Variants in LTBP1 observed in about 807,000 individuals in gnomAD.
The protein encoded by LTBP1 is latent transforming growth factor beta binding protein 1.
Under a neutral mutation model 207.6 loss-of-function variants are expected in LTBP1, and 129 were observed. The observed-to-expected ratio is 0.62, with a 90% CI of 0.54 to 0.72. The LOEUF (loss-of-function observed/expected upper bound fraction) is 0.72. Among genes scored for constraint, LTBP1 ranks in the 30% least tolerant of loss-of-function variants. LTBP1 has a pLI of 0.00. For synonymous variants in LTBP1, 963 were observed against 833.7 expected, an observed-to-expected ratio of 1.16 and a Z score of -2.67; for missense variants, 2,281 against 2,217.2, an observed-to-expected ratio of 1.03 and a Z score of -0.58.
At chr2:33,305,726 C>T (rs1399265063) in intron 22 of LTBP1, among the ~76,000 whole-genome samples, 1 of 151,970 alleles carries the variant, frequency 6.6e-6, no homozygotes, top group East Asian at 1.9e-4. Flanking sequence ...CCCGGGCCCT[C>T]CAACATTTAG....
In LTBP1 at chr2:32,964,578, A is replaced by G. The variant is rs564271366; in HGVS notation, c.565+15633A>G. Among the ~76,000 whole-genome samples, 6 of 152,246 alleles carry G rather than the reference A, an allele frequency of 3.9e-5. No homozygotes were observed. The East Asian group carries it at 5.8e-4, about 15-fold the overall frequency. On this transcript the variant is annotated intron_variant, in intron 2 of 33. Coordinates refer to ENST00000404816, the MANE Select transcript of LTBP1 (RefSeq NM_206943.4). The stretch of plus-strand genomic sequence containing the variant: ...TTCCCAGTGCCAGTAGCATGTAGCT[A>G]TTTCCAAATATGTTAACTTTTGATG...
At chr2:33,296,717 G>T (rs940949271) in intron 20 of LTBP1, among the ~76,000 whole-genome samples, 1 of 152,024 alleles carries the variant, frequency 6.6e-6, no homozygotes, top group Non-Finnish European at 1.5e-5. Flanking sequence ...AATGTCTAAA[G>T]TCTAGTATTT....
chr2:33,238,458 C>G (rs532256925), intron 9 of LTBP1, among the ~76,000 whole-genome samples: 37 of 152,314 alleles, frequency 2.4e-4, no homozygotes, highest in African/African-American at 8.4e-4. Flanking sequence ...AAATGTCATA[C>G]TTTCTTTATT....
rs186325368 is a variant in LTBP1 at position 33,075,326 on chromosome 2, A to G, written c.864-35256A>G. ...GTGGATAATTGAAAGTTGATACATGATTTAAAAATATTTTTTGGGGGGCAA... is the reference window on the plus strand; with the variant it reads ...GTGGATAATTGAAAGTTGATACATGGTTTAAAAATATTTTTTGGGGGGCAA... On this transcript the variant is annotated intron_variant, in intron 3 of 33. Coordinates refer to ENST00000404816, the MANE Select transcript of LTBP1 (RefSeq NM_206943.4). Among the ~76,000 whole-genome samples, 514 of 152,350 alleles carry G rather than the reference A, an allele frequency of 3.4e-3. 3 individuals carry two copies. Among genetic ancestry groups the G allele is most frequent in the African/African-American group, 0.011 (472 of 41,582 alleles).
At chr2:33,383,210 G>A (rs866459541) in intron 31 of LTBP1, among the ~76,000 whole-genome samples, 1 of 152,110 alleles carries the variant, frequency 6.6e-6, no homozygotes, top group African/African-American at 2.4e-5. Flanking sequence ...AAAATTAGCC[G>A]GGCATGGTGG....
At position 33,381,531 on chromosome 2, in the gene LTBP1, C is replaced by G. The variant is rs568961383; in HGVS notation, c.4712-7653C>G. Among the ~76,000 whole-genome samples, 10 of 152,278 alleles carry G rather than the reference C, an allele frequency of 6.6e-5. No individual in the cohort carries two copies. The South Asian group carries it at 1.9e-3, about 28-fold the overall frequency. On this transcript the variant is annotated intron_variant, in intron 31 of 33. Coordinates refer to ENST00000404816, the MANE Select transcript of LTBP1 (RefSeq NM_206943.4). ...GCCAAGACTTTAGACTTCATTACTT[C>G]CCTGTCCTCGACAAGTACAATTTAA...
chr2:33,130,777 C>T (rs1563184), intron 4 of LTBP1, among the ~76,000 whole-genome samples: 2 of 152,084 alleles, frequency 1.3e-5, no homozygotes, highest in Non-Finnish European at 2.9e-5. Flanking sequence ...GGCCCAATGG[C>T]GGTGCTGCAT....
chr2:33,316,957 T>C (rs1186888439), intron 24 of LTBP1, among the ~76,000 whole-genome samples: 1 of 152,152 alleles, frequency 6.6e-6, no homozygotes, highest in Non-Finnish European at 1.5e-5. Flanking sequence ...GGTTGTGCCA[T>C]GCAAAATTAT....
At chr2:33,036,305 C>T (rs1283867284) in intron 3 of LTBP1, among the ~76,000 whole-genome samples, 1 of 152,192 alleles carries the variant, frequency 6.6e-6, no homozygotes, top group South Asian at 2.1e-4. Context: ...CTGGAGGGGT[C>T]TGCACTTTGA....
At chr2:33,381,760 A>G (rs892358209) in intron 31 of LTBP1, among the ~76,000 whole-genome samples, 18 of 152,176 alleles carry the variant, frequency 1.2e-4, no homozygotes, top group African/African-American at 4.3e-4. Context: ...AGTGTATTTA[A>G]TAATTTTTTT....
chr2:33,205,154 C>G (rs1022673980), intron 7 of LTBP1, among the ~76,000 whole-genome samples: 1 of 152,224 alleles, frequency 6.6e-6, no homozygotes, highest in South Asian at 2.1e-4. Context: ...ATACTTGTCT[C>G]TCAAATGCTA....
At chr2:32,978,818 G>T (rs1682268325) in intron 2 of LTBP1, among the ~76,000 whole-genome samples, 1 of 151,918 alleles carries the variant, frequency 6.6e-6, no homozygotes, top group Non-Finnish European at 1.5e-5. Context: ...GTAAAATTCA[G>T]CAGTGAAGCC....
chr2:33,397,599 C>T (rs1163429559), intron 33 of LTBP1, among the ~76,000 whole-genome samples: 2 of 150,228 alleles, frequency 1.3e-5, no homozygotes, highest in African/African-American at 2.5e-5. Flanking sequence ...CTTCTGCCTC[C>T]CAGGTTCAAG....
intron 31 of LTBP1, among the ~76,000 whole-genome samples, chr2:33,366,092 T>TCATC (rs1426841440): frequency 1.7e-4 from 26 of 152,314 alleles, no homozygotes; most frequent in Admixed American, 1.5e-3. Flanking sequence ...GCTCCCAGTT[T>TCATC]CATCCCCTCT....
Position 33,398,731 on chromosome 2 carries a change from T to G in LTBP1, c.*186T>G. The stretch of plus-strand genomic sequence containing the variant: ...AGCCCGATAGGTGTGGCAGACCAAA[T>G]GGACATTTCTCTAAAAAACCAGTAT... On this transcript the variant is annotated 3_prime_UTR_variant, in exon 34 of 34. Coordinates refer to ENST00000404816, the MANE Select transcript of LTBP1 (RefSeq NM_206943.4). 1 of 495,728 alleles carries G rather than the reference T, an allele frequency of 2.0e-6. No homozygotes were observed. The allele number at this position is 495,728 out of a possible 1,614,324, so 30.7% of individuals were successfully genotyped here.
intron 3 of LTBP1, 24 bp downstream of exon 3, chr2:33,021,230 A>G (rs754488209): frequency 1.9e-6 from 3 of 1,556,458 alleles, no homozygotes; most frequent in Admixed American, 3.6e-5. Flanking sequence ...ACTTTCATTT[A>G]GCTAAGGATC....
chr2:33,342,753 T>C (rs2094644110), intron 24 of LTBP1, 85 bp from the exon 25 acceptor site: 2 of 1,391,592 alleles, frequency 1.4e-6, no homozygotes, highest in African/African-American at 2.8e-5. Flanking sequence ...TCAGGATGTG[T>C]TGAGTGCCTC....
chr2:33,347,333 A>T, intron 25 of LTBP1, 34 bp from the exon 26 acceptor site: 1 of 1,613,528 alleles, frequency 6.2e-7, no homozygotes, highest in Non-Finnish European at 8.5e-7. Flanking sequence ...TGAATGAGGC[A>T]CACATCTCAC....
At chr2:33,139,297 A>G (rs183168261) in intron 5 of LTBP1, among the ~76,000 whole-genome samples, 6 of 152,340 alleles carry the variant, frequency 3.9e-5, no homozygotes, top group African/African-American at 1.4e-4. Context: ...TTCTTATCCT[A>G]GAGTCACAAT....
Sources: gnomAD v4.1 joint callset for allele counts (sites outside exome capture counted in the v4.1 genomes callset) on GRCh38, gnomAD v4.1.1 for gene constraint, MANE v1.5 for transcripts, NCBI Gene and HGNC (gene_info 2026-07-23, HGNC 2026-07-21) for gene names.